SH3GL3: variants seen among roughly 807,000 people sequenced by gnomAD.
SH3GL3 encodes SH3 domain containing GRB2 like 3, endophilin A3, also known as endophilin-A3.
Under a neutral mutation model 47.7 loss-of-function variants are expected in SH3GL3, and 33 were observed. The ratio of observed to expected loss-of-function variants is 0.69; its 90% CI spans 0.52 to 0.92. The LOEUF (loss-of-function observed/expected upper bound fraction) is 0.92, where lower values mean the gene tolerates loss of function less well. Ranked by LOEUF, SH3GL3 falls within the 40% of genes least tolerant of loss-of-function variation. The pLI is 0.00. For synonymous variants in SH3GL3, 155 were observed against 148.8 expected, an observed-to-expected ratio of 1.04 and a Z score of -0.30; for missense variants, 363 against 417.8, an observed-to-expected ratio of 0.87 and a Z score of 1.14.
At chr15:83,504,678 C>G (rs2042422780) in intron 1 of SH3GL3, among the ~76,000 whole-genome samples, 1 of 152,158 alleles carries the variant, frequency 6.6e-6, no homozygotes, top group Admixed American at 6.5e-5. Flanking sequence ...GGAGGCAGAT[C>G]CTCTGCCTTT....
chr15:83,486,317 A>G (rs2041594697), intron 1 of SH3GL3, among the ~76,000 whole-genome samples: 1 of 152,218 alleles, frequency 6.6e-6, no homozygotes, highest in Non-Finnish European at 1.5e-5. Flanking sequence ...ACAGTGTTGT[A>G]CAATGATCAT....
At chr15:83,623,948 G>T in the SH3GL3 span, among the ~76,000 whole-genome samples, 1 of 152,104 alleles carries the variant, frequency 6.6e-6, no homozygotes, top group Non-Finnish European at 1.5e-5. Flanking sequence ...ACCACACCCA[G>T]CTAATTTTTT....
intron 1 of SH3GL3, among the ~76,000 whole-genome samples, chr15:83,554,459 T>C (rs1239303554): frequency 6.6e-6 from 1 of 152,190 alleles, no homozygotes; most frequent in Non-Finnish European, 1.5e-5. Flanking sequence ...CTGTTGGGAT[T>C]ACAGGCATGA....
intron 1 of SH3GL3, among the ~76,000 whole-genome samples, chr15:83,526,893 T>C (rs949690352): frequency 1.4e-4 from 21 of 152,226 alleles, no homozygotes; most frequent in African/African-American, 4.1e-4. Context: ...TCAATTTCTT[T>C]CATCAATGTT....
chr15:83,525,255 G>C (rs1567302022), intron 1 of SH3GL3, among the ~76,000 whole-genome samples: 1 of 151,914 alleles, frequency 6.6e-6, no homozygotes, highest in African/African-American at 2.4e-5. Context: ...GATGATTAGT[G>C]ATGGTGAGCA....
At chr15:83,490,983 G>A (rs951802930) in intron 1 of SH3GL3, 47 of 1,597,876 alleles carry the variant, frequency 2.9e-5, no homozygotes, top group East Asian at 2.9e-4. Context: ...CAGCACAGAA[G>A]CACTGAAAGA....
intron 8 of SH3GL3, among the ~76,000 whole-genome samples, chr15:83,595,928 T>G (rs1325191552): frequency 2.0e-5 from 3 of 152,310 alleles, no homozygotes; most frequent in African/African-American, 7.2e-5. Flanking sequence ...TTTATTGATC[T>G]TAAAGAGCCA....
At chr15:83,532,155 A>T (rs1316880974) in intron 1 of SH3GL3, among the ~76,000 whole-genome samples, 1 of 152,206 alleles carries the variant, frequency 6.6e-6, no homozygotes, top group Non-Finnish European at 1.5e-5. Context: ...AAGATAGGCA[A>T]ATAAGTAGAA....
At chr15:83,628,465 G>A in the SH3GL3 span, among the ~76,000 whole-genome samples, 3 of 152,318 alleles carry the variant, frequency 2.0e-5, no homozygotes, top group South Asian at 6.2e-4. Context: ...GAAATGGGCT[G>A]AGCGTGGTGG....
intron 1 of SH3GL3, among the ~76,000 whole-genome samples, chr15:83,519,745 T>C (rs1011089854): frequency 6.6e-6 from 1 of 152,222 alleles, no homozygotes; most frequent in Non-Finnish European, 1.5e-5. Context: ...AATTTTAGTG[T>C]AGTCAAGTTT....
At chr15:83,476,094 A>G (rs2151543942) in intron 1 of SH3GL3, among the ~76,000 whole-genome samples, 1 of 152,354 alleles carries the variant, frequency 6.6e-6, no homozygotes, top group East Asian at 1.9e-4. Context: ...AAAATAGTAT[A>G]AACAGTCAAA....
intron 1 of SH3GL3, chr15:83,488,205 GA>G (rs1219715198): frequency 3.3e-5 from 5 of 152,238 alleles, no homozygotes; most frequent in African/African-American, 9.7e-5. Flanking sequence ...TCTGACAAAT[GA>G]AAAAAATGGA....
At chr15:83,463,293 T>G (rs1465000346) in intron 1 of SH3GL3, among the ~76,000 whole-genome samples, 2 of 152,148 alleles carry the variant, frequency 1.3e-5, no homozygotes, top group Non-Finnish European at 2.9e-5. Context: ...AAAGAACCCT[T>G]GCCTAGTAAT....
At chr15:83,535,681 G>A (rs1222396769) in intron 1 of SH3GL3, among the ~76,000 whole-genome samples, 5 of 152,252 alleles carry the variant, frequency 3.3e-5, no homozygotes, top group African/African-American at 1.2e-4. Flanking sequence ...CATTCAGGGT[G>A]TTCTAAAAAG....
intron 1 of SH3GL3, among the ~76,000 whole-genome samples, chr15:83,554,019 C>CTTTTT (rs373240676): frequency 7.7e-6 from 1 of 129,446 alleles, no homozygotes; most frequent in Non-Finnish European, 1.6e-5. Context: ...TTCTCTCGCT[C>CTTTTT]TTTTTTTTTT....
intron 1 of SH3GL3, among the ~76,000 whole-genome samples, chr15:83,470,028 G>T (rs2040759132): frequency 6.6e-6 from 1 of 152,026 alleles, no homozygotes; most frequent in Non-Finnish European, 1.5e-5. Context: ...ATGTCTACTT[G>T]GTGCACTCAC....
At chr15:83,591,218 G>A (rs78843388) in intron 8 of SH3GL3, among the ~76,000 whole-genome samples, 1 of 152,120 alleles carries the variant, frequency 6.6e-6, no homozygotes, top group Non-Finnish European at 1.5e-5. Flanking sequence ...GTGTTGGCCA[G>A]GCTGGTCTCG....
intron 1 of SH3GL3, among the ~76,000 whole-genome samples, chr15:83,545,380 C>T (rs1032172511): frequency 6.6e-6 from 1 of 152,196 alleles, no homozygotes; most frequent in African/African-American, 2.4e-5. Context: ...ATTTTAATCT[C>T]TTTGTTAAAT....
intron 1 of SH3GL3, among the ~76,000 whole-genome samples, chr15:83,506,193 C>T (rs1305532243): frequency 1.3e-5 from 2 of 152,158 alleles, no homozygotes; most frequent in African/African-American, 4.8e-5. Context: ...AAATATTCAC[C>T]TACATGTGGT....
Sources: allele counts gnomAD v4.1 joint callset (sites outside exome capture counted in the v4.1 genomes callset), GRCh38; gene constraint gnomAD v4.1.1; transcripts MANE v1.5; gene names NCBI Gene and HGNC (gene_info 2026-07-23, HGNC 2026-07-21).